The following CD84 variants were observed in gnomAD, a reference collection of about 807,000 sequenced individuals.
CD84 encodes the protein CD84 molecule.
In CD84, 22 loss-of-function variants were observed where a neutral mutation model predicts 33.8. The observed-to-expected ratio is 0.65, with a 90% CI of 0.46 to 0.93. CD84 has a LOEUF of 0.93. Ranked by LOEUF, CD84 falls within the 40% of genes least tolerant of loss-of-function variation. The pLI is 0.00. For synonymous variants in CD84, 154 were observed against 145.2 expected (o/e 1.06, Z -0.44); for missense variants, 400 against 397.6 (o/e 1.01, Z -0.05).
In CD84 at chr1:160,547,435, T is replaced by A; in HGVS notation, c.*821A>T. 2 of 369,916 alleles carry A rather than the reference T, an allele frequency of 5.4e-6. No homozygotes were observed. The highest frequency in any genetic ancestry group is 9.6e-6 in the Non-Finnish European group (2 of 208,382). 22.9% of individuals were successfully genotyped at this position (369,916 alleles called of 1,614,324 possible). On this transcript the variant is annotated 3_prime_UTR_variant, in exon 7 of 7. Coordinates refer to ENST00000368054, the MANE Select transcript of CD84 (RefSeq NM_003874.4). ...GAAATCTTGGCCAGAAAGAAAATCCTATAAGGCTTCTGAAGTAGCACTCCA... is the reference window on the plus strand; with the variant it reads ...GAAATCTTGGCCAGAAAGAAAATCCAATAAGGCTTCTGAAGTAGCACTCCA...
chr1:160,550,821 T>C, intron 5 of CD84, 117 bp downstream of exon 5: 1 of 1,560,440 alleles, frequency 6.4e-7, no homozygotes. Flanking sequence ...GGTTGGAACC[T>C]CTGGACTCTT....
At chr1:160,575,699 C>T (rs927423176) in intron 1 of CD84, among the ~76,000 whole-genome samples, 1 of 152,118 alleles carries the variant, frequency 6.6e-6, no homozygotes, top group Non-Finnish European at 1.5e-5. Flanking sequence ...ATAGATGAGC[C>T]CAGTGATCTC....
chr1:160,558,282 A>C (rs1199064683), intron 2 of CD84, among the ~76,000 whole-genome samples: 3 of 152,212 alleles, frequency 2.0e-5, no homozygotes, highest in Admixed American at 6.5e-5. Flanking sequence ...AAAAAGGAGC[A>C]GGCTGCCATC....
At chr1:160,556,479 CATCT>C (rs1255388780) in intron 2 of CD84, among the ~76,000 whole-genome samples, 8 of 152,156 alleles carry the variant, frequency 5.3e-5, no homozygotes, top group African/African-American at 1.7e-4. Context: ...ACTTATCTAT[CATCT>C]ATCTGTCTGT....
In CD84 at chr1:160,552,607, G is replaced by C. The variant is rs180771154; in HGVS notation, c.760+771C>G. 36 of 793,916 alleles carry C rather than the reference G, an allele frequency of 4.5e-5. No individual in the cohort carries two copies. The East Asian group carries it at 7.6e-4, about 17-fold the overall frequency. The allele number at this position is 793,916 out of a possible 1,614,324, so 49.2% of individuals were successfully genotyped here. A position where few individuals can be genotyped will look rare whatever the true frequency, so the allele number is the denominator to read the frequency against. On this transcript the variant is annotated intron_variant, in intron 4 of 6. Transcript: ENST00000368054. ...GGTCAAGCTGGGACTTTCACGCCTAGACTGACTGCAAATCACGTGCTTAGT... is the reference window on the plus strand; with the variant it reads ...GGTCAAGCTGGGACTTTCACGCCTACACTGACTGCAAATCACGTGCTTAGT...
rs1655547817 is a variant in CD84, at chr1:160,541,649, T to C, written c.*6607A>G. On this transcript the variant is annotated 3_prime_UTR_variant, in exon 7 of 7. Transcript: ENST00000368054. The stretch of plus-strand genomic sequence containing the variant: ...GGAGAGAAGGGCATCCCAGACAACA[T>C]GGGCAAAGGCATGGGAGGATTTGGT... The C allele has an allele frequency of 6.6e-6, 1 of 152,138 alleles. No individual in the cohort carries two copies. The highest frequency in any genetic ancestry group is 2.1e-4 in the South Asian group (1 of 4,824). 9.4% of individuals were successfully genotyped at this position (152,138 alleles called of 1,614,324 possible). A position where few individuals can be genotyped will look rare whatever the true frequency, so the allele number is the denominator to read the frequency against.
rs937926064 is a variant in CD84 at position 160,541,774 on chromosome 1, G to A, written c.*6482C>T. 2 of 152,124 alleles carry A rather than the reference G, an allele frequency of 1.3e-5. No individual in the cohort carries two copies. The highest frequency in any genetic ancestry group is 1.5e-5 in the Non-Finnish European group (1 of 68,030). 9.4% of individuals were successfully genotyped at this position (152,124 alleles called of 1,614,324 possible). A position where few individuals can be genotyped will look rare whatever the true frequency, so the allele number is the denominator to read the frequency against. On this transcript the variant is annotated 3_prime_UTR_variant, in exon 7 of 7. Transcript: ENST00000368054. ...ATGGGTCAGATTGCTAAGGAGTGTG[G>A]TTCCCCAGGAAAAACATTTTAGTGT...
intron 4 of CD84, chr1:160,553,063 A>G: frequency 1.8e-6 from 1 of 564,966 alleles, no homozygotes; most frequent in Non-Finnish European, 3.2e-6. Context: ...CAAACATTTC[A>G]CATGTGAGGG....
At position 160,579,419 on chromosome 1, in the gene CD84, A is replaced by C; in HGVS notation, c.19T>G (p.Trp7Gly). 1.2e-6 allele frequency: 2 copies of C among 1,613,324 alleles called. No homozygotes were observed. The highest frequency in any genetic ancestry group is 1.7e-6 in the Non-Finnish European group (2 of 1,179,454). The change falls in exon 1 of 7, where the codon TGG (tryptophan) becomes GGG (glycine). Residue 7 changes from tryptophan to glycine, a missense_variant. Physicochemically the swap from Trp to Gly is radical, Grantham distance 184 (BLOSUM62 -2). Coordinates refer to ENST00000368054, the MANE Select transcript of CD84 (RefSeq NM_003874.4). The part of the protein sequence containing the change: MAQHHL[W>G]ILLLCLQTWP... ...GTTTGCAGGCAAAGGAGCAAGATCC[A>C]TAGGTGGTGCTGAGCCATCTCTTTC...
chr1:160,552,313 G>A (rs919498848), intron 4 of CD84, among the ~76,000 whole-genome samples: 5 of 152,122 alleles, frequency 3.3e-5, no homozygotes, highest in Non-Finnish European at 7.4e-5. Flanking sequence ...TCTCCCCATT[G>A]TGAGGCCATT....
At chr1:160,560,980 T>G (rs1427306583) in intron 2 of CD84, among the ~76,000 whole-genome samples, 1 of 151,930 alleles carries the variant, frequency 6.6e-6, no homozygotes, top group Non-Finnish European at 1.5e-5. Context: ...CAATAACAAG[T>G]TCTGAAATTG....
chr1:160,569,175 G>A (rs563889193), intron 1 of CD84, among the ~76,000 whole-genome samples: 1 of 152,316 alleles, frequency 6.6e-6, no homozygotes, highest in Admixed American at 6.5e-5. Context: ...GGGCCATACT[G>A]GAGCATATAT....
chr1:160,550,709 T>C (rs2102128456), intron 5 of CD84: 3 of 985,306 alleles, frequency 3.0e-6, no homozygotes, highest in Non-Finnish European at 3.6e-6. Flanking sequence ...TGTGGGACAC[T>C]CAGTGCCTCA....
chr1:160,553,779 C>G lies in CD84; in HGVS notation c.640+116G>C, dbSNP rs781325367. On this transcript the variant is annotated intron_variant, in intron 3 of 6. Coordinates refer to ENST00000368054, the MANE Select transcript of CD84 (RefSeq NM_003874.4). ...TCTTGGGAGGTGATGCCCTCAGTGACCAGGCCAAAGATAAAGGAAGCACAT... is the reference window on the plus strand; with the variant it reads ...TCTTGGGAGGTGATGCCCTCAGTGAGCAGGCCAAAGATAAAGGAAGCACAT... 3 of 1,506,924 alleles carry G rather than the reference C, an allele frequency of 2.0e-6. No homozygotes were observed. The Admixed American group carries it at 5.8e-5, about 29-fold the overall frequency. 93.3% of individuals were successfully genotyped at this position (1,506,924 alleles called of 1,614,324 possible).
At chr1:160,550,654 G>T (rs747084049) in intron 5 of CD84, 18 of 985,232 alleles carry the variant, frequency 1.8e-5, no homozygotes, top group Non-Finnish European at 2.2e-5. Flanking sequence ...TCTAGGGGGC[G>T]CCTTGCTCCT....
intron 1 of CD84, among the ~76,000 whole-genome samples, chr1:160,566,863 T>C (rs1358834570): frequency 6.6e-6 from 1 of 152,196 alleles, no homozygotes; most frequent in Admixed American, 6.5e-5. Context: ...TTTTCTCTCC[T>C]CTATCACTTT....
At chr1:160,564,442 C>T (rs972431253) in intron 2 of CD84, among the ~76,000 whole-genome samples, 3 of 152,318 alleles carry the variant, frequency 2.0e-5, no homozygotes, top group Admixed American at 2.0e-4. Context: ...AAACTTATTT[C>T]ATGCAGAAAT....
Position 160,553,900 on chromosome 1 carries a change from C to T in CD84, c.635G>A (p.Cys212Tyr). ...NSDSISARQL[C>Y]ADIAMGFRTH... is the part of the protein sequence containing the mutation. ...AGATGGGCAGAGCTGGTTACCTGCACAGAGCTGCCGGGCAGAGATGGAGTC... is the reference window on the plus strand; with the variant it reads ...AGATGGGCAGAGCTGGTTACCTGCATAGAGCTGCCGGGCAGAGATGGAGTC... Residue 212 changes from cysteine to tyrosine, a missense_variant, in exon 3 of 7, where the codon TGT (cysteine) becomes TAT (tyrosine). Coordinates refer to ENST00000368054, the MANE Select transcript of CD84 (RefSeq NM_003874.4). 1 of 1,614,208 alleles carries T rather than the reference C, an allele frequency of 6.2e-7. No individual in the cohort carries two copies. Among genetic ancestry groups the T allele is most frequent in the Non-Finnish European group, 8.5e-7 (1 of 1,180,044 alleles).
chr1:160,579,448 G>T lies in CD84; in HGVS notation c.-11C>A, dbSNP rs765843969. The T allele has an allele frequency of 1.2e-6, 2 of 1,612,746 alleles. No homozygotes were observed. The highest frequency in any genetic ancestry group is 1.7e-6 in the Non-Finnish European group (2 of 1,179,264). ...GTGGTGCTGAGCCATCTCTTTCAGG[G>T]TCTAACCTTCTGTGGAAAAGCACGG... On this transcript the variant is annotated 5_prime_UTR_variant, in exon 1 of 7. Transcript: ENST00000368054.
Sources: gnomAD v4.1 joint callset for allele counts (sites outside exome capture counted in the v4.1 genomes callset) on GRCh38, gnomAD v4.1.1 for gene constraint, MANE v1.5 for transcripts, NCBI Gene and HGNC (gene_info 2026-07-23, HGNC 2026-07-21) for gene names.